SLCO1A2: variants seen among roughly 807,000 people sequenced by gnomAD.
The protein encoded by SLCO1A2 is OATP-1.
Under a neutral mutation model 69.0 loss-of-function variants are expected in SLCO1A2, and 67 were observed. The observed-to-expected ratio is 0.97, with a 90% CI of 0.80 to 1.19. The LOEUF (loss-of-function observed/expected upper bound fraction) is 1.19, where lower values mean the gene tolerates loss of function less well. SLCO1A2 is among the 50% of genes most tolerant of loss of function. The pLI is 0.00. For synonymous variants in SLCO1A2, 260 were observed against 265.9 expected, an observed-to-expected ratio of 0.98 and a Z score of 0.22; for missense variants, 787 against 793.7, an observed-to-expected ratio of 0.99 and a Z score of 0.10.
chr12:21,339,260 T>C (rs919399363), upstream of SLCO1A2, among the ~76,000 whole-genome samples: 6 of 151,934 alleles, frequency 3.9e-5, no homozygotes, highest in Non-Finnish European at 8.8e-5. Flanking sequence ...TTATAAACAA[T>C]TGGGAGAGAT....
chr12:21,283,377 G>A (rs1009548281), intron 12 of SLCO1A2, among the ~76,000 whole-genome samples: 11 of 152,096 alleles, frequency 7.2e-5, no homozygotes, highest in African/African-American at 2.7e-4. Flanking sequence ...AAGCAGAAGA[G>A]TGAAACTAGA....
At chr12:21,350,672 T>C (rs1046875840) in intron 2 of SLCO1A2, among the ~76,000 whole-genome samples, 2 of 151,242 alleles carry the variant, frequency 1.3e-5, no homozygotes, top group African/African-American at 4.9e-5. Flanking sequence ...CCGTCTCTAC[T>C]AAAATACAAA....
At chr12:21,353,052 A>G (rs1938084992) in intron 2 of SLCO1A2, among the ~76,000 whole-genome samples, 1 of 152,212 alleles carries the variant, frequency 6.6e-6, no homozygotes, top group Non-Finnish European at 1.5e-5. Context: ...TTAAATAATT[A>G]TAAGGTCTGT....
intron 12 of SLCO1A2, among the ~76,000 whole-genome samples, chr12:21,289,567 CAT>C (rs1402001717): frequency 1.3e-5 from 2 of 152,106 alleles, no homozygotes; most frequent in Admixed American, 6.5e-5. Context: ...AGTTGGTAAA[CAT>C]ATCCACATGC....
At chr12:21,294,303 C>T in intron 10 of SLCO1A2, 193 bp from the exon 11 acceptor site, 2 of 413,214 alleles carry the variant, frequency 4.8e-6, no homozygotes, top group Non-Finnish European at 8.5e-6. Flanking sequence ...CACATAGCCA[C>T]TCCTTCAATG....
intron 1 of SLCO1A2, among the ~76,000 whole-genome samples, chr12:21,406,137 G>C (rs531714005): frequency 6.6e-6 from 1 of 152,310 alleles, no homozygotes; most frequent in South Asian, 2.1e-4. Context: ...TTGCTAGGTT[G>C]AATGAGTAGA....
At chr12:21,398,223 C>T (rs529123549), upstream of SLCO1A2, among the ~76,000 whole-genome samples, 1 of 150,936 alleles carries the variant, frequency 6.6e-6, no homozygotes, top group African/African-American at 2.4e-5. Context: ...ACACAAACTA[C>T]CATCAGAGAA....
At position 21,388,766 on chromosome 12, in the gene SLCO1A2, A is replaced by T. The variant is rs1434497704; in HGVS notation, c.-190+6140T>A. ...AATATTATGCCACTTCACTACTTTC[A>T]TATATGGCCCTTTCTTGATTCTAAG... On this transcript the variant is annotated intron_variant, in intron 1 of 15. Transcript: ENST00000307378. Among the ~76,000 whole-genome samples, 4 of 152,266 alleles carry T rather than the reference A, an allele frequency of 2.6e-5. No individual in the cohort carries two copies. The South Asian group carries it at 8.3e-4, about 32-fold the overall frequency.
In SLCO1A2 at chr12:21,334,911, T is replaced by C. The variant is rs1952829819; in HGVS notation, c.-147A>G. On this transcript the variant is annotated 5_prime_UTR_variant, in exon 1 of 15. Transcript: ENST00000683939. Reference sequence around the variant, plus strand: ...TTTCTATTTCAAAAGGTACATCAAATAACTTTAGTGACTCTTTAGTGAGAT... The same window carrying C: ...TTTCTATTTCAAAAGGTACATCAAACAACTTTAGTGACTCTTTAGTGAGAT... 1 of 356,464 alleles carries C rather than the reference T, an allele frequency of 2.8e-6. No homozygotes were observed. Among genetic ancestry groups the C allele is most frequent in the South Asian group, 5.7e-5 (1 of 17,664 alleles). 22.1% of individuals were successfully genotyped at this position (356,464 alleles called of 1,614,324 possible).
intron 11 of SLCO1A2, among the ~76,000 whole-genome samples, chr12:21,293,411 C>T (rs1221414281): frequency 9.2e-5 from 14 of 152,068 alleles, no homozygotes; most frequent in Non-Finnish European, 1.5e-5. Flanking sequence ...TTATAGTTTA[C>T]TTTGATCACC....
chr12:21,364,319 A>C (rs1051466906), intron 2 of SLCO1A2, among the ~76,000 whole-genome samples: 6 of 152,118 alleles, frequency 3.9e-5, no homozygotes, highest in East Asian at 3.9e-4. Context: ...TCAATAGATG[A>C]AGAAAAGGCC....
chr12:21,402,275 G>A (rs901345493), intron 1 of SLCO1A2, among the ~76,000 whole-genome samples: 1 of 151,596 alleles, frequency 6.6e-6, no homozygotes, highest in Non-Finnish European at 1.5e-5. Context: ...GTATATGAGA[G>A]GTGAGCTTTA....
intron 2 of SLCO1A2, among the ~76,000 whole-genome samples, chr12:21,347,041 G>C (rs1953274816): frequency 6.6e-6 from 1 of 150,906 alleles, no homozygotes; most frequent in Non-Finnish European, 1.5e-5. Flanking sequence ...GATGAAGTGT[G>C]TTTTAACATA....
intron 2 of SLCO1A2, among the ~76,000 whole-genome samples, chr12:21,350,214 T>C (rs143849585): frequency 1.6e-3 from 236 of 152,132 alleles, no homozygotes; most frequent in African/African-American, 5.2e-3. Context: ...TTAAGACTTA[T>C]GTATATAGTC....
At chr12:21,364,296 C>G (rs925210492) in intron 2 of SLCO1A2, among the ~76,000 whole-genome samples, 34 of 152,240 alleles carry the variant, frequency 2.2e-4, no homozygotes, top group Admixed American at 2.1e-3. Context: ...AAGACAAAAA[C>G]CACATGATTA....
upstream of SLCO1A2, among the ~76,000 whole-genome samples, chr12:21,396,237 G>A (rs1333224495): frequency 1.3e-5 from 2 of 151,262 alleles, no homozygotes; most frequent in African/African-American, 2.4e-5. Context: ...AGAAGCCTCA[G>A]GAGCCGATGC....
chr12:21,275,969 C>G (rs1273025840), intron 12 of SLCO1A2, among the ~76,000 whole-genome samples: 15 of 151,738 alleles, frequency 9.9e-5, no homozygotes, highest in Admixed American at 9.8e-4. Flanking sequence ...TTTAATAACA[C>G]AGAAACTAGA....
intron 2 of SLCO1A2, among the ~76,000 whole-genome samples, chr12:21,358,928 G>A (rs1938590380): frequency 6.6e-6 from 1 of 151,966 alleles, no homozygotes; most frequent in African/African-American, 2.4e-5. Context: ...CATGAGAGAG[G>A]AAACAATAAC....
chr12:21,400,213 G>C (rs371812410), upstream of SLCO1A2, among the ~76,000 whole-genome samples: 1 of 151,882 alleles, frequency 6.6e-6, no homozygotes, highest in African/African-American at 2.4e-5. Flanking sequence ...AAAAGTGGGC[G>C]AAGGACATGA....
Sources: allele counts gnomAD v4.1 joint callset (sites outside exome capture counted in the v4.1 genomes callset), GRCh38; gene constraint gnomAD v4.1.1; transcripts MANE v1.5; gene names NCBI Gene and HGNC (gene_info 2026-07-23, HGNC 2026-07-21).